Variants in BACH2 observed in about 807,000 individuals in gnomAD.
The protein encoded by BACH2 is transcription regulator protein BACH2.
BACH2 carries 5 observed loss-of-function variants against 61.8 expected under a neutral mutation model. The observed-to-expected ratio is 0.08, with a 90% confidence interval of 0.04 to 0.17. BACH2 has a LOEUF of 0.17. Ranked by LOEUF, BACH2 falls within the 10% of genes least tolerant of loss-of-function variation. The probability of loss-of-function intolerance (pLI) is 1.00; values close to 1 mark genes in which losing one functional copy is unlikely to be tolerated. For synonymous variants in BACH2, 446 were observed against 440.1 expected (o/e 1.01, Z -0.17); for missense variants, 824 against 1,091.1 (o/e 0.76, Z 3.45).
intron 6 of BACH2, among the ~76,000 whole-genome samples, chr6:89,984,983 G>C (rs2128363947): frequency 6.6e-6 from 1 of 152,238 alleles, no homozygotes; most frequent in South Asian, 2.1e-4. Flanking sequence ...GAAACACTGG[G>C]AACCCAAACA....
chr6:90,126,968 G>A (rs943993144), intron 4 of BACH2, among the ~76,000 whole-genome samples: 11 of 152,164 alleles, frequency 7.2e-5, no homozygotes, highest in Admixed American at 6.5e-5. Context: ...GGCAGCCTCT[G>A]TTTCCTTCCT....
chr6:90,068,299 A>G (rs1371681964), intron 5 of BACH2, among the ~76,000 whole-genome samples: 5 of 152,214 alleles, frequency 3.3e-5, no homozygotes, highest in African/African-American at 1.2e-4. Context: ...CTAATTTGTA[A>G]GCTCATCTCA....
chr6:89,970,269 T>C (rs994233476), intron 6 of BACH2, among the ~76,000 whole-genome samples: 5 of 152,206 alleles, frequency 3.3e-5, no homozygotes, highest in African/African-American at 1.2e-4. Flanking sequence ...CAGTGCCCTG[T>C]TCCCAGTTCT....
chr6:90,195,696 T>TTCTTCTAAGAGCATCTGCTTCTTAC (rs1768734952), intron 4 of BACH2, among the ~76,000 whole-genome samples: 1 of 152,206 alleles, frequency 6.6e-6, no homozygotes, highest in African/African-American at 2.4e-5. Flanking sequence ...TGCCCCACTG[T>TTCTTCTAAGAGCATCTGCTTCTTAC]TCTTCTAAGA....
chr6:90,051,223 T>C lies in BACH2; in HGVS notation c.-13+37738A>G, dbSNP rs1189199185. On this transcript the variant is annotated intron_variant, in intron 5 of 8. Transcript: ENST00000257749. ...TTTTTGTTATTATCATTAATAACTTTTTAAACATTACTTTTCTGTGTTACT... is the reference window on the plus strand; with the variant it reads ...TTTTTGTTATTATCATTAATAACTTCTTAAACATTACTTTTCTGTGTTACT... 2.0e-5 allele frequency among the ~76,000 whole-genome samples: 3 copies of C among 152,218 alleles called. No individual in the cohort carries two copies. The East Asian group carries it at 5.8e-4, about 29-fold the overall frequency.
rs185566673 is a variant in BACH2, at chr6:90,017,830, T to G, written c.-12-8974A>C. On this transcript the variant is annotated intron_variant, in intron 5 of 8. Coordinates refer to ENST00000257749, the MANE Select transcript of BACH2 (RefSeq NM_021813.4). The stretch of plus-strand genomic sequence containing the variant: ...TATCTTCATTGTGAGTTATATTTCC[T>G]TGCTTCTTTGCATAACTGAACATTT... Among the ~76,000 whole-genome samples, 160 of 152,354 alleles carry G rather than the reference T, an allele frequency of 1.1e-3. 1 individual carries two copies. Among genetic ancestry groups the G allele is most frequent in the African/African-American group, 3.7e-3 (154 of 41,582 alleles).
chr6:90,250,801 T>C (rs1238476204), intron 3 of BACH2, among the ~76,000 whole-genome samples: 1 of 152,228 alleles, frequency 6.6e-6, no homozygotes, highest in African/African-American at 2.4e-5. Flanking sequence ...AATAAATGTG[T>C]TCATTTAACC....
chr6:90,203,116 A>G (rs1322284442), intron 4 of BACH2, among the ~76,000 whole-genome samples: 1 of 152,166 alleles, frequency 6.6e-6, no homozygotes, highest in Admixed American at 6.5e-5. Context: ...ACAGAATTTA[A>G]AAGTTAAATT....
At chr6:90,084,773 G>T (rs1043691757) in intron 5 of BACH2, among the ~76,000 whole-genome samples, 1 of 151,798 alleles carries the variant, frequency 6.6e-6, no homozygotes, top group Non-Finnish European at 1.5e-5. Flanking sequence ...ATATATAATG[G>T]TTCTGCTATA....
intron 1 of BACH2, among the ~76,000 whole-genome samples, chr6:90,284,280 G>A (rs141941964): frequency 1.3e-5 from 2 of 152,236 alleles, no homozygotes; most frequent in African/African-American, 2.4e-5. Context: ...AAAGATGAAC[G>A]TACACCTGAA....
In BACH2 at chr6:90,082,907, G is replaced by T. The variant is rs1159858969; in HGVS notation, c.-13+6054C>A. Among the ~76,000 whole-genome samples the T allele has an allele frequency of 2.6e-5, 4 of 152,254 alleles. No homozygotes were observed. In the East Asian group the frequency reaches 7.7e-4, roughly 29 times the overall value. The stretch of plus-strand genomic sequence containing the variant: ...ATGACAAGTAAGGCACAGAATACAG[G>T]AAAAACATGCTAGAAATAACAGATT... On this transcript the variant is annotated intron_variant, in intron 5 of 8. Transcript: ENST00000257749.
chr6:90,131,593 T>C (rs1383451374), intron 4 of BACH2, among the ~76,000 whole-genome samples: 2 of 152,218 alleles, frequency 1.3e-5, no homozygotes, highest in African/African-American at 4.8e-5. Flanking sequence ...CCCTTTATTA[T>C]GGCGAATCTC....
chr6:90,066,268 G>A (rs376951094), intron 5 of BACH2, among the ~76,000 whole-genome samples: 77 of 152,290 alleles, frequency 5.1e-4, no homozygotes, highest in Non-Finnish European at 8.2e-4. Context: ...AGGAATTCAC[G>A]TGGTGCATTC....
chr6:90,239,712 T>C (rs1018852494), intron 3 of BACH2, among the ~76,000 whole-genome samples: 1 of 151,708 alleles, frequency 6.6e-6, no homozygotes, highest in Non-Finnish European at 1.5e-5. Context: ...ATGTTATCTC[T>C]GAAGGGATCA....
intron 4 of BACH2, among the ~76,000 whole-genome samples, chr6:90,101,996 T>C (rs1782648496): frequency 6.6e-6 from 1 of 152,196 alleles, no homozygotes; most frequent in Non-Finnish European, 1.5e-5. Flanking sequence ...ACTTTCATCC[T>C]GCAAAACTGA....
intron 5 of BACH2, among the ~76,000 whole-genome samples, chr6:90,072,549 G>C (rs1282646613): frequency 6.6e-6 from 1 of 152,184 alleles, no homozygotes; most frequent in Non-Finnish European, 1.5e-5. Context: ...CACCTTTGCA[G>C]GTCAAAGCTC....
chr6:90,009,251 G>C (rs758348332), intron 5 of BACH2, among the ~76,000 whole-genome samples: 1 of 152,224 alleles, frequency 6.6e-6, no homozygotes, highest in Non-Finnish European at 1.5e-5. Flanking sequence ...GACTAACTTA[G>C]ATTTGTGTGA....
chr6:89,961,100 G>A (rs1204276832), intron 6 of BACH2, among the ~76,000 whole-genome samples: 2 of 152,046 alleles, frequency 1.3e-5, no homozygotes, highest in Non-Finnish European at 2.9e-5. Flanking sequence ...GGTATAGATG[G>A]TTATATTTCC....
chr6:89,978,704 G>A (rs560013991), intron 6 of BACH2, among the ~76,000 whole-genome samples: 1 of 151,742 alleles, frequency 6.6e-6, no homozygotes, highest in South Asian at 2.1e-4. Flanking sequence ...AAGTGGAGGA[G>A]GGAGAGAAAT....
Sources: gnomAD v4.1 joint callset for allele counts (sites outside exome capture counted in the v4.1 genomes callset) on GRCh38, gnomAD v4.1.1 for gene constraint, MANE v1.5 for transcripts, NCBI Gene and HGNC (gene_info 2026-07-23, HGNC 2026-07-21) for gene names.